Variants in ULK4 observed in about 807,000 individuals in gnomAD.
ULK4 encodes the protein inactive serine/threonine-protein kinase ULK4.
A neutral mutation model predicts 160.6 loss-of-function variants in ULK4; 133 were observed. That is an observed-to-expected ratio of 0.83 (90% CI 0.72 to 0.96). ULK4 has a LOEUF of 0.96. Ranked by LOEUF, ULK4 falls within the 40% of genes least tolerant of loss-of-function variation. ULK4 has a pLI of 0.00. For synonymous variants in ULK4, 534 were observed against 539.8 expected (o/e 0.99, Z 0.15); for missense variants, 1,580 against 1,499.5 (o/e 1.05, Z -0.89).
chr3:41,460,067 T>C (rs1486256287), intron 33 of ULK4, among the ~76,000 whole-genome samples: 1 of 152,066 alleles, frequency 6.6e-6, no homozygotes, highest in Non-Finnish European at 1.5e-5. Context: ...AGTTGGATAA[T>C]TATAAGAGAT....
chr3:41,531,535 G>T (rs1053343190), intron 32 of ULK4, among the ~76,000 whole-genome samples: 1 of 142,368 alleles, frequency 7.0e-6, no homozygotes, highest in Admixed American at 7.0e-5. Flanking sequence ...AAAAAAAAAA[G>T]AAATAAACAT....
intron 9 of ULK4, among the ~76,000 whole-genome samples, chr3:41,911,927 C>T (rs1186949354): frequency 1.3e-5 from 2 of 151,946 alleles, no homozygotes; most frequent in East Asian, 1.9e-4. Context: ...CCGAGGCAGA[C>T]GGATCACTTG....
chr3:41,358,898 C>A (rs2081077788), intron 35 of ULK4, among the ~76,000 whole-genome samples: 1 of 152,062 alleles, frequency 6.6e-6, no homozygotes, highest in Admixed American at 6.6e-5. Context: ...GAAGACAAGG[C>A]AGTTACAATA....
At chr3:41,440,450 A>T (rs779944011) in intron 34 of ULK4, among the ~76,000 whole-genome samples, 19 of 152,150 alleles carry the variant, frequency 1.2e-4, no homozygotes, top group Non-Finnish European at 2.4e-4. Context: ...TTGCTAATGT[A>T]TATATTACTT....
chr3:41,820,245 A>G (rs1259751788), intron 18 of ULK4, among the ~76,000 whole-genome samples: 1 of 152,178 alleles, frequency 6.6e-6, no homozygotes. Context: ...ACTATGAAAA[A>G]TAGTTTGGAG....
In ULK4 at chr3:41,721,252, TGA is replaced by T. The variant is rs1268698198; in HGVS notation, c.2322-3393_2322-3392del. On this transcript the variant is annotated intron_variant, in intron 22 of 36. Transcript: ENST00000301831. ...GAAGCAGATGAGAAATTTTTCGCTT[TGA>T]ATTTTTTTTTTTTTTTTTTTTTTTT... Among the ~76,000 whole-genome samples the T allele has an allele frequency of 8.9e-5, 10 of 111,872 alleles. No individual in the cohort carries two copies. In the East Asian group the frequency reaches 2.0e-3, roughly 23 times the overall value. 73.4% of individuals were successfully genotyped at this position (111,872 alleles called of 152,430 possible).
At chr3:41,854,117 A>T (rs956427718) in intron 17 of ULK4, 1 of 152,302 alleles carries the variant, frequency 6.6e-6, no homozygotes, top group Admixed American at 6.5e-5. Flanking sequence ...TTTCCTCTTC[A>T]AATTTAGGAG....
intron 23 of ULK4, 58 bp downstream of exon 23, chr3:41,717,670 G>C (rs2037316611): frequency 1.3e-6 from 2 of 1,557,976 alleles, no homozygotes; most frequent in South Asian, 2.4e-5. Flanking sequence ...ATGCCTAAAA[G>C]CCAAGTCTTA....
intron 27 of ULK4, among the ~76,000 whole-genome samples, chr3:41,688,371 T>C (rs6776173): frequency 0.034 from 5,111 of 152,206 alleles, 252 homozygotes; most frequent in African/African-American, 0.11. Flanking sequence ...CTGAGCCACA[T>C]AGTGGAACCC....
At chr3:41,333,842 T>C (rs894192563) in intron 35 of ULK4, among the ~76,000 whole-genome samples, 3 of 152,170 alleles carry the variant, frequency 2.0e-5, no homozygotes, top group Admixed American at 6.5e-5. Context: ...GTGATTCAGT[T>C]AGTCTGGACT....
intron 32 of ULK4, among the ~76,000 whole-genome samples, chr3:41,544,729 C>T (rs551755489): frequency 6.6e-6 from 1 of 152,288 alleles, no homozygotes; most frequent in East Asian, 1.9e-4. Context: ...TCAGGTCAAA[C>T]AGTGACAATG....
chr3:41,312,769 C>G (rs530359836), intron 35 of ULK4, among the ~76,000 whole-genome samples: 5 of 152,112 alleles, frequency 3.3e-5, no homozygotes, highest in Non-Finnish European at 7.4e-5. Flanking sequence ...GATCATACCA[C>G]TGCACTCCAG....
At chr3:41,493,959 T>C (rs2084893286) in intron 32 of ULK4, among the ~76,000 whole-genome samples, 2 of 147,714 alleles carry the variant, frequency 1.4e-5, no homozygotes, top group Admixed American at 1.4e-4. Flanking sequence ...CCAAAAAGAG[T>C]CCAGGACCAG....
At chr3:41,500,528 A>G (rs953000699) in intron 32 of ULK4, among the ~76,000 whole-genome samples, 17 of 152,288 alleles carry the variant, frequency 1.1e-4, no homozygotes, top group African/African-American at 4.1e-4. Flanking sequence ...TTCTTCAGGA[A>G]TCAGAGCAGT....
chr3:41,918,441 T>C lies in ULK4; in HGVS notation c.727+16A>G. The C allele has an allele frequency of 6.5e-7, 1 of 1,535,160 alleles. No homozygotes were observed. The highest frequency in any genetic ancestry group is 1.3e-5 in the South Asian group (1 of 79,836). On this transcript the variant is annotated intron_variant, in intron 7 of 36. Transcript: ENST00000301831. ...GTAAAATGTAAATTAATTCCATTTATCATAAGAAATCTTACCTTTCGGAAT... is the reference window on the plus strand; with the variant it reads ...GTAAAATGTAAATTAATTCCATTTACCATAAGAAATCTTACCTTTCGGAAT...
intron 31 of ULK4, among the ~76,000 whole-genome samples, chr3:41,579,235 G>C (rs1280738324): frequency 6.6e-6 from 1 of 152,146 alleles, no homozygotes; most frequent in African/African-American, 2.4e-5. Context: ...GAAATGGCTT[G>C]ATTAAATTTT....
chr3:41,506,010 TTATAAA>T (rs1221202258), intron 32 of ULK4, among the ~76,000 whole-genome samples: 1 of 152,198 alleles, frequency 6.6e-6, no homozygotes, highest in Non-Finnish European at 1.5e-5. Context: ...AAGTTTTAAA[TTATAAA>T]TATATGTTTG....
intron 33 of ULK4, among the ~76,000 whole-genome samples, chr3:41,460,608 T>A (rs544247369): frequency 1.3e-5 from 2 of 152,196 alleles, no homozygotes; most frequent in African/African-American, 4.8e-5. Context: ...TAGGAGTTAG[T>A]CAGTAAATAT....
chr3:41,627,456 C>T (rs1344735444), intron 30 of ULK4, among the ~76,000 whole-genome samples: 1 of 152,208 alleles, frequency 6.6e-6, no homozygotes, highest in East Asian at 1.9e-4. Context: ...AGGCGTAAGT[C>T]CCGATCCACT....
Sources: gnomAD v4.1 joint callset for allele counts (sites outside exome capture counted in the v4.1 genomes callset) on GRCh38, gnomAD v4.1.1 for gene constraint, MANE v1.5 for transcripts, NCBI Gene and HGNC (gene_info 2026-07-23, HGNC 2026-07-21) for gene names.